The following ZNF705A variants were observed in gnomAD, a reference collection of about 807,000 sequenced individuals.
The protein encoded by ZNF705A is zinc finger protein 705A.
In ZNF705A, 8 loss-of-function variants were observed where a neutral mutation model predicts 16.6. The ratio of observed to expected loss-of-function variants is 0.48; its 90% CI spans 0.28 to 0.87. The LOEUF is 0.87. Ranked by LOEUF, ZNF705A falls within the 40% of genes least tolerant of loss-of-function variation. The pLI is 0.10. For missense variants in ZNF705A, 233 were observed against 359.9 expected, an observed-to-expected ratio of 0.65 and a Z score of 2.85; for synonymous variants, 73 against 117.3, an observed-to-expected ratio of 0.62 and a Z score of 2.44.
chr12:8,174,773 A>G (rs10840926), intron 2 of ZNF705A, among the ~76,000 whole-genome samples: 81,235 of 152,016 alleles, frequency 0.53, 21,881 homozygotes, highest in Non-Finnish European at 0.57. Context: ...TATTTTCTAA[A>G]TAACTCTTCT....
chr12:8,170,489 C>G (rs1948437208), upstream of ZNF705A, among the ~76,000 whole-genome samples: 1 of 152,060 alleles, frequency 6.6e-6, no homozygotes, highest in Non-Finnish European at 1.5e-5. Context: ...CTTTAACTTT[C>G]TTATAATATT....
intron 1 of ZNF705A, among the ~76,000 whole-genome samples, chr12:8,158,788 C>G (rs1324673069): frequency 6.6e-6 from 1 of 151,996 alleles, no homozygotes; most frequent in African/African-American, 2.4e-5. Flanking sequence ...TCCCTGACTA[C>G]TTTTAAGATT....
chr12:8,165,117 A>G (rs1246714492), intron 1 of ZNF705A, among the ~76,000 whole-genome samples: 1 of 152,278 alleles, frequency 6.6e-6, no homozygotes, highest in East Asian at 1.9e-4. Context: ...TACTTGTTAT[A>G]CATCTTTTTG....
At chr12:8,177,453 G>A in exon 5 of ZNF705A, 1 of 1,612,186 alleles carries the variant, frequency 6.2e-7, no homozygotes, top group Non-Finnish European at 8.5e-7. Context: ...TGTTATGAAT[G>A]TGATAAAAGT....
exon 5 of ZNF705A, chr12:8,177,410 C>G: frequency 6.2e-7 from 1 of 1,611,990 alleles, no homozygotes; most frequent in South Asian, 1.1e-5. Context: ...CTTTAACCTT[C>G]GAAGACATGA....
At chr12:8,171,223 T>C (rs575109554), upstream of ZNF705A, among the ~76,000 whole-genome samples, 3 of 152,336 alleles carry the variant, frequency 2.0e-5, no homozygotes, top group Non-Finnish European at 4.4e-5. Context: ...CTGGACTTCA[T>C]GTACAAATGG....
At position 8,175,322 on chromosome 12, in the gene ZNF705A, AGGTAAGC is replaced by A; in HGVS notation, c.235_235+6del. 1 of 1,597,106 alleles carries A rather than the reference AGGTAAGC, an allele frequency of 6.3e-7. No homozygotes were observed. Among genetic ancestry groups the A allele is most frequent in the Non-Finnish European group, 8.5e-7 (1 of 1,179,380 alleles). ...GAGAATTTCTTCAAGACCAGAATCC[AGGTAAGC>A]AACAGGGTCCTGTGCTCTAATAGGA... is the stretch of plus-strand genomic sequence containing the variant. On this transcript the variant is annotated splice_donor_variant and splice_donor_5th_base_variant and coding_sequence_variant and intron_variant, in exon 3 of 5. Transcript: ENST00000359286. LOFTEE classifies it high-confidence loss of function.
chr12:8,172,171 G>A (rs1948451218), upstream of ZNF705A, among the ~76,000 whole-genome samples: 1 of 151,814 alleles, frequency 6.6e-6, no homozygotes. Context: ...AGGGCATAAA[G>A]CTAGGATAAT....
exon 5 of ZNF705A, chr12:8,178,895 C>G (rs980192307): frequency 3.3e-5 from 5 of 152,240 alleles, no homozygotes; most frequent in African/African-American, 1.2e-4. Context: ...TCTTTAACAG[C>G]TCTTTCCTCA....
At chr12:8,170,196 C>CAAA (rs1188328005), upstream of ZNF705A, among the ~76,000 whole-genome samples, 93 of 126,514 alleles carry the variant, frequency 7.4e-4, 1 homozygote, top group Admixed American at 1.1e-3. Flanking sequence ...CCCCCCCCCC[C>CAAA]AAAAAAAAAA....
At chr12:8,171,929 G>T (rs4883077), upstream of ZNF705A, among the ~76,000 whole-genome samples, 67,879 of 151,930 alleles carry the variant, frequency 0.45, 16,422 homozygotes, top group Non-Finnish European at 0.56. Context: ...TAAAGACGGG[G>T]TTTCACCATG....
chr12:8,177,610 G>C lies in ZNF705A; in HGVS notation c.*27G>C. The stretch of plus-strand genomic sequence containing the variant: ...ATGAGAGAACATGCACTGGAGAAAA[G>C]CCATATGAATGCCATTTATGTGGGA... On this transcript the variant is annotated 3_prime_UTR_variant, in exon 5 of 5. Transcript: ENST00000359286. The C allele has an allele frequency of 1.9e-6, 3 of 1,539,946 alleles. No homozygotes were observed. In the South Asian group the frequency reaches 3.4e-5, roughly 17 times the overall value.
exon 5 of ZNF705A, chr12:8,177,745 G>A (rs765583296): frequency 1.0e-5 from 12 of 1,169,860 alleles, no homozygotes; most frequent in African/African-American, 4.6e-5. Flanking sequence ...ACTGTGTTAG[G>A]AATGACGAAG....
At chr12:8,176,944 AATGT>A (rs1948488388) in intron 4 of ZNF705A, 51 bp from the exon 6 acceptor site, 1 of 1,570,426 alleles carries the variant, frequency 6.4e-7, no homozygotes. Flanking sequence ...TAGTGAAATG[AATGT>A]ATAGATATAT....
At chr12:8,162,894 G>C (rs1948368208) in intron 1 of ZNF705A, among the ~76,000 whole-genome samples, 1 of 152,168 alleles carries the variant, frequency 6.6e-6, no homozygotes, top group South Asian at 2.1e-4. Context: ...CTTTGTTTAT[G>C]TTACAGTACT....
chr12:8,171,417 C>T (rs920866803), upstream of ZNF705A, among the ~76,000 whole-genome samples: 17 of 152,144 alleles, frequency 1.1e-4, no homozygotes, highest in African/African-American at 3.4e-4. Flanking sequence ...ACATGGACAT[C>T]GGTATTTCTC....
In ZNF705A at chr12:8,178,593, T is replaced by G. The variant is rs1304377094; in HGVS notation, c.*1010T>G. The G allele has an allele frequency of 2.6e-5, 4 of 152,188 alleles. 1 individual carries two copies. Among genetic ancestry groups the G allele is most frequent in the Admixed American group, 2.0e-4 (3 of 15,272 alleles). 9.4% of individuals were successfully genotyped at this position (152,188 alleles called of 1,614,324 possible). On this transcript the variant is annotated 3_prime_UTR_variant, in exon 5 of 5. Coordinates refer to ENST00000359286, the Ensembl canonical transcript of ZNF705A. ...ACTCTTAACACATACTTTAGCAAAA[T>G]AATTCAGAAATTTGAGAAAATATCT...
chr12:8,171,089 T>A (rs182189523), upstream of ZNF705A, among the ~76,000 whole-genome samples: 1,212 of 152,334 alleles, frequency 8.0e-3, 16 homozygotes, highest in African/African-American at 0.028. Context: ...ACTCTGTTGA[T>A]CATTTATTAA....
upstream of ZNF705A, chr12:8,172,426 G>C: frequency 1.3e-6 from 1 of 773,972 alleles, no homozygotes; most frequent in Non-Finnish European, 2.2e-6. Flanking sequence ...AGGCCTCTGC[G>C]TGTTTGTGTC....
Sources: allele counts gnomAD v4.1 joint callset (sites outside exome capture counted in the v4.1 genomes callset), GRCh38; gene constraint gnomAD v4.1.1; transcripts MANE v1.5; gene names NCBI Gene and HGNC (gene_info 2026-07-23, HGNC 2026-07-21).